The following CDK14 variants were observed in gnomAD, a reference collection of about 807,000 sequenced individuals.
The protein encoded by CDK14 is cyclin-dependent kinase 14.
A neutral mutation model predicts 60.7 loss-of-function variants in CDK14; 34 were observed. The ratio of observed to expected loss-of-function variants is 0.56; its 90% confidence interval spans 0.43 to 0.75. The LOEUF (loss-of-function observed/expected upper bound fraction) is 0.75, where lower values mean the gene tolerates loss of function less well. Ranked by LOEUF, CDK14 falls within the 30% of genes least tolerant of loss-of-function variation. The pLI is 0.00. For synonymous variants in CDK14, 197 were observed against 203.7 expected, an observed-to-expected ratio of 0.97 and a Z score of 0.28; for missense variants, 482 against 564.1, an observed-to-expected ratio of 0.85 and a Z score of 1.47.
At chr7:90,951,398 A>G (rs1794259392) in intron 8 of CDK14, among the ~76,000 whole-genome samples, 1 of 152,212 alleles carries the variant, frequency 6.6e-6, no homozygotes, top group South Asian at 2.1e-4. Flanking sequence ...GTAATGAAAG[A>G]TACTATTTCT....
chr7:90,736,330 G>A (rs1464878878), intron 3 of CDK14, among the ~76,000 whole-genome samples: 3 of 140,054 alleles, frequency 2.1e-5, no homozygotes, highest in African/African-American at 8.3e-5. Flanking sequence ...TGATAAGAAG[G>A]GGTACTTTAT....
At chr7:91,085,557 C>T (rs975018792) in intron 12 of CDK14, among the ~76,000 whole-genome samples, 1 of 152,172 alleles carries the variant, frequency 6.6e-6, no homozygotes, top group East Asian at 1.9e-4. Context: ...TACCTGTTCA[C>T]CAGCTTCAGG....
rs1554431005 is a variant in CDK14, at chr7:90,668,696, A to ATTATTTTTTTTTTTT, written c.124-57869_124-57868insATTTTTTTTTTTTTT. Among the ~76,000 whole-genome samples the ATTATTTTTTTTTTTT allele has an allele frequency of 2.1e-3, 145 of 68,412 alleles. 6 individuals are homozygous for ATTATTTTTTTTTTTT. Among genetic ancestry groups the ATTATTTTTTTTTTTT allele is most frequent in the South Asian group, 6.6e-3 (13 of 1,982 alleles). The allele number at this position is 68,412 out of a possible 152,430, so 44.9% of individuals were successfully genotyped here. A position where few individuals can be genotyped will look rare whatever the true frequency, so the allele number is the denominator to read the frequency against. On this transcript the variant is annotated intron_variant, in intron 2 of 14. Coordinates refer to ENST00000380050, the MANE Select transcript of CDK14 (RefSeq NM_001287135.2). ...TTATATGGTGTAAGGAAGGACTCGC[A>ATTATTTTTTTTTTTT]TTCTTTTTTTTTTTTTTTTTTTTTT...
intron 2 of CDK14, among the ~76,000 whole-genome samples, chr7:90,672,560 C>T (rs1012461797): frequency 7.7e-6 from 1 of 129,464 alleles, no homozygotes. Flanking sequence ...CACTTTCTTG[C>T]CCAGGCTGGA....
intron 3 of CDK14, among the ~76,000 whole-genome samples, chr7:90,739,306 C>T (rs761237052): frequency 3.9e-5 from 6 of 152,082 alleles, no homozygotes; most frequent in South Asian, 2.1e-4. Context: ...AGAATACAAC[C>T]GTAGCAGTTA....
chr7:90,880,484 C>A (rs1287533046), intron 6 of CDK14, among the ~76,000 whole-genome samples: 1 of 152,150 alleles, frequency 6.6e-6, no homozygotes, highest in Non-Finnish European at 1.5e-5. Flanking sequence ...CTCTGCGGAC[C>A]AGCAGACTTA....
At chr7:90,985,275 G>A (rs1354937488) in intron 10 of CDK14, among the ~76,000 whole-genome samples, 1 of 152,158 alleles carries the variant, frequency 6.6e-6, no homozygotes, top group Non-Finnish European at 1.5e-5. Context: ...TTAGCCATGG[G>A]ACTTTAAGCA....
chr7:90,741,610 G>T (rs1385184224), intron 3 of CDK14, among the ~76,000 whole-genome samples: 4 of 152,014 alleles, frequency 2.6e-5, no homozygotes, highest in African/African-American at 9.7e-5. Flanking sequence ...CTTAACATTT[G>T]GACATATTTA....
At chr7:91,027,521 TG>T (rs1486678987) in intron 10 of CDK14, among the ~76,000 whole-genome samples, 1 of 152,162 alleles carries the variant, frequency 6.6e-6, no homozygotes, top group Non-Finnish European at 1.5e-5. Flanking sequence ...GTTTTAGTAT[TG>T]GGATTCCAAA....
intron 2 of CDK14, among the ~76,000 whole-genome samples, chr7:90,640,092 C>T (rs1800283857): frequency 6.6e-6 from 1 of 152,152 alleles, no homozygotes; most frequent in African/African-American, 2.4e-5. Flanking sequence ...AGTGCCTCGC[C>T]CTGCTTCAGC....
At chr7:90,979,420 C>T (rs576124009) in intron 9 of CDK14, 1 of 152,348 alleles carries the variant, frequency 6.6e-6, no homozygotes, top group South Asian at 2.1e-4. Context: ...CAACCAGCTT[C>T]AACTTTTCTA....
intron 14 of CDK14, among the ~76,000 whole-genome samples, chr7:91,202,618 C>A (rs1350239963): frequency 2.0e-5 from 3 of 152,186 alleles, no homozygotes; most frequent in Admixed American, 6.5e-5. Flanking sequence ...TCCAGCAAAT[C>A]TGACCTACCT....
intron 2 of CDK14, among the ~76,000 whole-genome samples, chr7:90,642,962 G>T (rs751835575): frequency 1.3e-5 from 2 of 152,314 alleles, no homozygotes; most frequent in East Asian, 1.9e-4. Context: ...GGAGACTGGA[G>T]ATGCAAAGTG....
chr7:90,603,542 T>G (rs1799357958), intron 1 of CDK14, among the ~76,000 whole-genome samples: 1 of 152,190 alleles, frequency 6.6e-6, no homozygotes, highest in Admixed American at 6.5e-5. Context: ...TCTGTGACAT[T>G]TGCACAATGA....
intron 2 of CDK14, among the ~76,000 whole-genome samples, chr7:90,705,229 C>T (rs968591692): frequency 2.6e-5 from 4 of 151,442 alleles, no homozygotes; most frequent in African/African-American, 2.4e-5. Flanking sequence ...TAGTTAGATT[C>T]GTATATATAA....
chr7:90,970,168 G>A (rs1019107016), intron 9 of CDK14, among the ~76,000 whole-genome samples: 12 of 152,018 alleles, frequency 7.9e-5, no homozygotes, highest in Non-Finnish European at 2.9e-5. Flanking sequence ...GCTTCACCAT[G>A]TTGGCCAGGC....
At chr7:90,736,882 A>C (rs2116761069) in intron 3 of CDK14, among the ~76,000 whole-genome samples, 1 of 152,332 alleles carries the variant, frequency 6.6e-6, no homozygotes, top group Non-Finnish European at 1.5e-5. Flanking sequence ...AAATCAAGGA[A>C]CCAAGAATGC....
chr7:91,142,094 G>A (rs1800483083), intron 14 of CDK14, among the ~76,000 whole-genome samples: 2 of 150,108 alleles, frequency 1.3e-5, no homozygotes, highest in African/African-American at 5.0e-5. Flanking sequence ...ATAGTGCTGG[G>A]GTTTACAGGC....
chr7:90,837,059 G>A (rs946844285), intron 5 of CDK14, among the ~76,000 whole-genome samples: 1 of 152,114 alleles, frequency 6.6e-6, no homozygotes, highest in African/African-American at 2.4e-5. Context: ...CAAATAAAGG[G>A]TTTCTGGGAC....
Sources: gnomAD v4.1 joint callset for allele counts (sites outside exome capture counted in the v4.1 genomes callset) on GRCh38, gnomAD v4.1.1 for gene constraint, MANE v1.5 for transcripts, NCBI Gene and HGNC (gene_info 2026-07-23, HGNC 2026-07-21) for gene names.